Variants in ELFN1 observed in about 807,000 individuals in gnomAD.
ELFN1 encodes the protein extracellular leucine rich repeat and fibronectin type III domain containing 1.
ELFN1 carries 6 observed loss-of-function variants against 7.6 expected under a neutral mutation model. That is an observed-to-expected ratio of 0.79 (90% CI 0.43 to 1.56). ELFN1 has a LOEUF of 1.56. Among genes scored for constraint, ELFN1 ranks in the 40% most tolerant of loss-of-function variants. ELFN1 has a pLI of 0.01. For synonymous variants in ELFN1, 657 were observed against 588.1 expected (o/e 1.12, Z -1.70); for missense variants, 1,169 against 1,232.2 (o/e 0.95, Z 0.77).
At chr7:1,736,477 C>T (rs1021420917) in intron 3 of ELFN1, among the ~76,000 whole-genome samples, 2 of 152,212 alleles carry the variant, frequency 1.3e-5, no homozygotes, top group Non-Finnish European at 2.9e-5. Flanking sequence ...CAAATTCAGT[C>T]GTAAGAAGTT....
chr7:1,701,787 A>G (rs144260309), intron 2 of ELFN1, among the ~76,000 whole-genome samples: 1 of 152,292 alleles, frequency 6.6e-6, no homozygotes, highest in African/African-American at 2.4e-5. Flanking sequence ...TGTGAAACAG[A>G]GTGAGACCCT....
upstream of ELFN1, among the ~76,000 whole-genome samples, chr7:1,667,444 T>G (rs1778687752): frequency 1.3e-5 from 2 of 152,064 alleles, no homozygotes; most frequent in South Asian, 4.1e-4. The surrounding 1 kb of genome is among the most constrained non-coding windows in gnomAD (Gnocchi z 8.2). Context: ...CGTTTAGGGA[T>G]GCAGCTCGGG....
intron 1 of ELFN1, among the ~76,000 whole-genome samples, chr7:1,680,114 G>A (rs1287709576): frequency 1.3e-5 from 2 of 152,192 alleles, no homozygotes; most frequent in South Asian, 4.1e-4. Context: ...CTCCGATGCT[G>A]GGCTCCGTGG....
At position 1,705,454 on chromosome 7, in the gene ELFN1, C is replaced by T. The variant is rs1442416068; in HGVS notation, c.-455-3637C>T. Among the ~76,000 whole-genome samples the T allele has an allele frequency of 1.3e-5, 2 of 152,230 alleles. No individual in the cohort carries two copies. The highest frequency in any genetic ancestry group is 2.9e-5 in the Non-Finnish European group (2 of 68,040). ...TCCTGGAAGGAGGAGGAGGAGCTCC[C>T]CCCAACCGCCAGGGTGCCAGGGGAG... is the stretch of plus-strand genomic sequence containing the variant. On this transcript the variant is annotated intron_variant, in intron 2 of 3. Transcript: ENST00000424383. The surrounding 1 kb of genome is among the most constrained non-coding windows in gnomAD (Gnocchi z 4.3).
At chr7:1,743,151 C>T (rs1207189877) in intron 3 of ELFN1, among the ~76,000 whole-genome samples, 2 of 152,198 alleles carry the variant, frequency 1.3e-5, no homozygotes, top group Non-Finnish European at 2.9e-5. Flanking sequence ...GTACCTCCAG[C>T]CCCGTCTGCA....
At chr7:1,680,202 C>T (rs965466157) in intron 1 of ELFN1, among the ~76,000 whole-genome samples, 8 of 152,304 alleles carry the variant, frequency 5.3e-5, no homozygotes, top group African/African-American at 1.7e-4. Flanking sequence ...CATTCTGACC[C>T]GGTCCGTGGG....
At chr7:1,680,934 G>T (rs547288810) in intron 1 of ELFN1, among the ~76,000 whole-genome samples, 7 of 152,046 alleles carry the variant, frequency 4.6e-5, no homozygotes, top group African/African-American at 1.7e-4. Context: ...TAAAGACAGG[G>T]TTTCACCATG....
At chr7:1,701,053 A>T (rs1304809551) in intron 2 of ELFN1, among the ~76,000 whole-genome samples, 1 of 151,654 alleles carries the variant, frequency 6.6e-6, no homozygotes, top group East Asian at 1.9e-4. Flanking sequence ...ACTTTGCATG[A>T]TGTATGTATG....
intron 2 of ELFN1, among the ~76,000 whole-genome samples, chr7:1,707,433 G>A (rs1053055626): frequency 1.6e-4 from 24 of 152,232 alleles, no homozygotes; most frequent in African/African-American, 5.5e-4. Flanking sequence ...AGGCTGGTGG[G>A]CAAACGCCCT....
At chr7:1,708,187 G>A (rs979639057) in intron 2 of ELFN1, among the ~76,000 whole-genome samples, 19 of 152,224 alleles carry the variant, frequency 1.2e-4, no homozygotes, top group African/African-American at 4.6e-4. Context: ...CACCCCAGCT[G>A]TGCGACCCTG....
rs925300037 is a variant in ELFN1 at position 1,745,028 on chromosome 7, C to T, written c.432C>T (p.Ile144=). Reference sequence around the variant, plus strand: ...ACCTGTACCTGCAGGCCAACCTCATCGAGGTGGTCATGGCCAGCAGCTTCT... The same window carrying T: ...ACCTGTACCTGCAGGCCAACCTCATTGAGGTGGTCATGGCCAGCAGCTTCT... ...LEYLYLQANL[I]EVVMASSFWE... is the part of the protein sequence containing the mutation. The change falls in exon 4 of 4, where the codon ATC becomes ATT. Residue 144 remains isoleucine, a synonymous_variant. Coordinates refer to ENST00000424383, the MANE Select transcript of ELFN1 (RefSeq NM_001128636.4). 11 of 1,551,064 alleles carry T rather than the reference C, an allele frequency of 7.1e-6. No homozygotes were observed. In the East Asian group the frequency reaches 7.3e-5, roughly 10 times the overall value.
rs1417845780 is a variant in ELFN1 at position 1,745,008 on chromosome 7, T to C, written c.412T>C (p.Tyr138His). ...LRGLGKLEYLYLQANLIEVVM... is the reference protein window; with the variant it reads ...LRGLGKLEYLHLQANLIEVVM... Reference sequence around the variant, plus strand: ...CGGCCTGGGCAAGCTGGAGTACCTGTACCTGCAGGCCAACCTCATCGAGGT... The same window carrying C: ...CGGCCTGGGCAAGCTGGAGTACCTGCACCTGCAGGCCAACCTCATCGAGGT... Residue 138 changes from tyrosine (Y) to histidine (H), a missense_variant, in exon 4 of 4, where the codon TAC (tyrosine) becomes CAC (histidine). By Grantham distance (83) the Tyr-to-His change is moderately conservative. Around this residue, in one of 2 missense-constraint regions of ELFN1, gnomAD observed 255 missense variants for 359.6 expected, o/e 0.71. Coordinates refer to ENST00000424383, the MANE Select transcript of ELFN1 (RefSeq NM_001128636.4). 6.4e-7 allele frequency: 1 copy of C among 1,551,022 alleles called. No homozygotes were observed. The highest frequency in any genetic ancestry group is 8.7e-7 in the Non-Finnish European group (1 of 1,146,996).
rs1157130129 is a variant in ELFN1 at position 1,746,229 on chromosome 7, G to A, written c.1633G>A (p.Gly545Ser). The A allele has an allele frequency of 1.3e-6, 2 of 1,563,176 alleles. No homozygotes were observed. Among genetic ancestry groups the A allele is most frequent in the East Asian group, 2.4e-5 (1 of 41,780 alleles). Residue 545 changes from glycine to serine, a missense_variant, in exon 4 of 4, where the codon GGC becomes AGC. Physicochemically the swap from Gly to Ser is moderately conservative, Grantham distance 56. Transcript: ENST00000424383. ...CAGGGACTGTGAGCTGGGCCGGCCG[G>A]GCCCCGACAGCCAGAGTTCGGTGGC... is the stretch of plus-strand genomic sequence containing the variant. ...ERRDCELGRP[G>S]PDSQSSVAEI... is the part of the protein sequence containing the mutation.
chr7:1,689,339 C>T (rs1779114253), intron 2 of ELFN1, among the ~76,000 whole-genome samples: 1 of 152,218 alleles, frequency 6.6e-6, no homozygotes, highest in South Asian at 2.1e-4. Context: ...GTCACCATTC[C>T]AGTCATCTAA....
At chr7:1,714,649 A>C (rs1004042273) in intron 3 of ELFN1, among the ~76,000 whole-genome samples, 2 of 152,224 alleles carry the variant, frequency 1.3e-5, no homozygotes, top group Non-Finnish European at 2.9e-5. Context: ...TTTATTAAAA[A>C]GGGAGAGCAG....
chr7:1,726,608 G>A (rs764800296), intron 3 of ELFN1, among the ~76,000 whole-genome samples: 6 of 152,154 alleles, frequency 3.9e-5, no homozygotes, highest in Admixed American at 1.3e-4. Flanking sequence ...CCAGCCACTC[G>A]CTTCTAGCCC....
intron 2 of ELFN1, among the ~76,000 whole-genome samples, chr7:1,706,084 G>T (rs997418107): frequency 6.6e-6 from 1 of 152,134 alleles, no homozygotes; most frequent in Non-Finnish European, 1.5e-5. Context: ...TTCCTCCTCC[G>T]ATCCACCGCG....
At chr7:1,738,089 C>T (rs543052224) in intron 3 of ELFN1, among the ~76,000 whole-genome samples, 8 of 152,218 alleles carry the variant, frequency 5.3e-5, no homozygotes, top group East Asian at 1.9e-4. Flanking sequence ...GTGAACGCAG[C>T]GGTTCTGGGA....
At chr7:1,676,152 G>A (rs1332367368) in intron 1 of ELFN1, among the ~76,000 whole-genome samples, 1 of 152,214 alleles carries the variant, frequency 6.6e-6, no homozygotes, top group African/African-American at 2.4e-5. Context: ...TCTGCCTAAA[G>A]GGTGCTGGTA....
Sources: allele counts gnomAD v4.1 joint callset (sites outside exome capture counted in the v4.1 genomes callset), GRCh38; gene constraint gnomAD v4.1.1; regional missense constraint gnomAD v4.1.1; non-coding constraint Gnocchi (gnomAD v3.1); transcripts MANE v1.5; gene names NCBI Gene and HGNC (gene_info 2026-07-23, HGNC 2026-07-21).